KHDRBS1: variants seen among roughly 807,000 people sequenced by gnomAD.
KHDRBS1 encodes the protein KH domain-containing, RNA-binding, signal transduction-associated protein 1.
A neutral mutation model predicts 48.4 loss-of-function variants in KHDRBS1; 7 were observed. The ratio of observed to expected loss-of-function variants is 0.14; its 90% confidence interval spans 0.08 to 0.27. The LOEUF is 0.27. Ranked by LOEUF, KHDRBS1 falls within the 10% of genes least tolerant of loss-of-function variation. The pLI is 1.00. For synonymous variants in KHDRBS1, 241 were observed against 235.8 expected (o/e 1.02, Z -0.20); for missense variants, 458 against 601.2 (o/e 0.76, Z 2.49).
At chr1:32,026,634 C>T (rs1638975848) in intron 1 of KHDRBS1, among the ~76,000 whole-genome samples, 1 of 152,196 alleles carries the variant, frequency 6.6e-6, no homozygotes, top group African/African-American at 2.4e-5. Flanking sequence ...CATATAAACA[C>T]ACCTTCTTGT....
At chr1:32,039,413 TATTA>T (rs1483560905) in intron 7 of KHDRBS1, 98 bp from the exon 8 acceptor site, 2 of 746,540 alleles carry the variant, frequency 2.7e-6, no homozygotes, top group African/African-American at 3.4e-5. Context: ...TATTTTCCTG[TATTA>T]ATACACTTAG....
intron 1 of KHDRBS1, among the ~76,000 whole-genome samples, chr1:32,020,336 G>A (rs1490363812): frequency 6.6e-6 from 1 of 152,004 alleles, no homozygotes; most frequent in Non-Finnish European, 1.5e-5. Flanking sequence ...TGAGGTGGAA[G>A]AATCGCTTGA....
intron 1 of KHDRBS1, among the ~76,000 whole-genome samples, chr1:32,024,746 T>G (rs1638929911): frequency 6.6e-6 from 1 of 152,138 alleles, no homozygotes; most frequent in Non-Finnish European, 1.5e-5. Context: ...ACTGAGTTAT[T>G]TTTGAGGATT....
chr1:32,017,257 C>CAAA (rs1003013929), intron 1 of KHDRBS1, among the ~76,000 whole-genome samples: 4 of 109,330 alleles, frequency 3.7e-5, no homozygotes, highest in African/African-American at 9.8e-5. Flanking sequence ...GACTCCGTCT[C>CAAA]AAAAAAAAAA....
chr1:32,042,108 T>C (rs1019443981), intron 8 of KHDRBS1, among the ~76,000 whole-genome samples: 6 of 152,162 alleles, frequency 3.9e-5, no homozygotes. Context: ...CTTCCAGAAG[T>C]CTTCCCACCT....
intron 1 of KHDRBS1, among the ~76,000 whole-genome samples, chr1:32,026,887 C>T (rs371161843): frequency 5.3e-5 from 8 of 152,114 alleles, no homozygotes; most frequent in African/African-American, 1.9e-4. Flanking sequence ...CTCTGCCTCC[C>T]GGGTTCCAGC....
At chr1:32,017,152 G>A (rs1638758344) in intron 1 of KHDRBS1, among the ~76,000 whole-genome samples, 1 of 152,074 alleles carries the variant, frequency 6.6e-6, no homozygotes, top group African/African-American at 2.4e-5. Context: ...CAGCTACTTG[G>A]GAGGCTGAGG....
Position 32,037,829 on chromosome 1 carries a change from T to C in KHDRBS1, c.906-6T>C, listed in dbSNP as rs958569010. 5 of 1,609,684 alleles carry C rather than the reference T, an allele frequency of 3.1e-6. No individual in the cohort carries two copies. The highest frequency in any genetic ancestry group is 1.7e-5 in the Admixed American group (1 of 59,936). On this transcript the variant is annotated splice_region_variant and splice_polypyrimidine_tract_variant and intron_variant, in intron 5 of 8. Coordinates refer to ENST00000327300, the MANE Select transcript of KHDRBS1 (RefSeq NM_006559.3). ...GCTCCATTTAAGATAAACTTTCATT[T>C]TGTAGGGGCCGTGGTGTTGGACCAC...
chr1:32,032,842 AC>A (rs1465395284), intron 3 of KHDRBS1, among the ~76,000 whole-genome samples: 1 of 151,952 alleles, frequency 6.6e-6, no homozygotes, highest in African/African-American at 2.4e-5. Context: ...GGCGTGCGCC[AC>A]CATGCCCGGC....
At chr1:32,029,500 A>G (rs907914670) in intron 1 of KHDRBS1, among the ~76,000 whole-genome samples, 15 of 152,120 alleles carry the variant, frequency 9.9e-5, no homozygotes, top group African/African-American at 3.6e-4. Flanking sequence ...TCTACTAAAG[A>G]TACAAAATTA....
At chr1:32,024,489 T>TA (rs887975563) in intron 1 of KHDRBS1, among the ~76,000 whole-genome samples, 11 of 151,360 alleles carry the variant, frequency 7.3e-5, no homozygotes, top group African/African-American at 2.4e-4. Flanking sequence ...TTAATTTATT[T>TA]TTTTTTTTTT....
intron 4 of KHDRBS1, among the ~76,000 whole-genome samples, chr1:32,036,465 G>A (rs975123201): frequency 2.6e-5 from 4 of 151,978 alleles, no homozygotes; most frequent in Non-Finnish European, 5.9e-5. Flanking sequence ...CACTGCACCC[G>A]GCCCTCATTT....
At chr1:32,051,233 C>T (rs1429568254) in intron 10 of KHDRBS1, among the ~76,000 whole-genome samples, 7 of 152,192 alleles carry the variant, frequency 4.6e-5, no homozygotes, top group Non-Finnish European at 1.0e-4. Flanking sequence ...ATCCCATTGT[C>T]CCGGCACCAT....
Position 32,014,023 on chromosome 1 carries a change from C to T in KHDRBS1, c.28C>T (p.Arg10Cys). The change falls in exon 1 of 9, where the codon CGC (arginine) becomes TGC (cysteine). Residue 10 changes from arginine to cysteine, a missense_variant. Physicochemically the swap from Arg to Cys is radical, Grantham distance 180. Around this residue, in one of 3 missense-constraint regions of KHDRBS1, gnomAD observed 213 missense variants for 215.6 expected, o/e 0.99. Coordinates refer to ENST00000327300, the MANE Select transcript of KHDRBS1 (RefSeq NM_006559.3). Reference protein sequence around the residue: MQRRDDPAARMSRSSGRSGS... With the variant: MQRRDDPAACMSRSSGRSGS... ...GCAGCGCCGGGACGACCCCGCCGCG[C>T]GCATGAGCCGGTCTTCGGGCCGTAG... The T allele has an allele frequency of 6.5e-7, 1 of 1,527,308 alleles. No homozygotes were observed. The highest frequency in any genetic ancestry group is 8.7e-7 in the Non-Finnish European group (1 of 1,148,870). 94.6% of individuals were successfully genotyped at this position (1,527,308 alleles called of 1,614,324 possible).
chr1:32,023,737 G>GAGAC (rs1469867542), intron 1 of KHDRBS1, among the ~76,000 whole-genome samples: 5 of 152,294 alleles, frequency 3.3e-5, no homozygotes, highest in Non-Finnish European at 7.4e-5. Flanking sequence ...AGGACAAGGA[G>GAGAC]AGACATACAG....
downstream of KHDRBS1, among the ~76,000 whole-genome samples, chr1:32,045,176 T>C (rs529010593): frequency 6.6e-6 from 1 of 152,366 alleles, no homozygotes; most frequent in East Asian, 1.9e-4. Context: ...GGTCCCCATA[T>C]TGATATTCAC....
chr1:32,024,712 C>G (rs1161475687), intron 1 of KHDRBS1, among the ~76,000 whole-genome samples: 2 of 151,900 alleles, frequency 1.3e-5, no homozygotes, highest in Non-Finnish European at 2.9e-5. Flanking sequence ...GTTTTTGTTG[C>G]CTCAGATGTA....
intron 3 of KHDRBS1, among the ~76,000 whole-genome samples, chr1:32,032,970 G>C (rs747272996): frequency 1.3e-5 from 2 of 152,230 alleles, no homozygotes; most frequent in Non-Finnish European, 2.9e-5. Flanking sequence ...TTATAGGCGT[G>C]AGCCACCGCG....
chr1:32,051,332 C>T (rs1639419789), intron 10 of KHDRBS1, among the ~76,000 whole-genome samples: 1 of 152,160 alleles, frequency 6.6e-6, no homozygotes, highest in Admixed American at 6.5e-5. Context: ...GGTGTACTGC[C>T]TTTTGAAGTA....
Sources: allele counts gnomAD v4.1 joint callset (sites outside exome capture counted in the v4.1 genomes callset), GRCh38; gene constraint gnomAD v4.1.1; regional missense constraint gnomAD v4.1.1; transcripts MANE v1.5; gene names NCBI Gene and HGNC (gene_info 2026-07-23, HGNC 2026-07-21).